CHN2: variants seen among roughly 807,000 people sequenced by gnomAD.
CHN2 encodes the protein chimerin 2.
A neutral mutation model predicts 56.3 loss-of-function variants in CHN2; 35 were observed. The ratio of observed to expected loss-of-function variants is 0.62; its 90% CI spans 0.47 to 0.82. The LOEUF (loss-of-function observed/expected upper bound fraction) is 0.82. Among genes scored for constraint, CHN2 ranks in the 40% least tolerant of loss-of-function variants. CHN2 has a pLI of 0.00. For synonymous variants in CHN2, 210 were observed against 212.8 expected (o/e 0.99, Z 0.12); for missense variants, 491 against 580.5 (o/e 0.85, Z 1.58).
intron 1 of CHN2, among the ~76,000 whole-genome samples, chr7:29,235,189 AAAAC>A (rs1787095341): frequency 6.6e-6 from 1 of 152,220 alleles, no homozygotes; most frequent in Non-Finnish European, 1.5e-5. Context: ...ACAAGCAAAA[AAAAC>A]AAACAACCCC....
At chr7:29,211,219 T>G (rs377217623) in intron 1 of CHN2, among the ~76,000 whole-genome samples, 13 of 151,362 alleles carry the variant, frequency 8.6e-5, no homozygotes, top group Admixed American at 7.9e-4. Flanking sequence ...TAAAGGCGCC[T>G]GCCACCATGC....
chr7:29,210,329 G>A (rs1487160927), intron 1 of CHN2, among the ~76,000 whole-genome samples: 1 of 152,054 alleles, frequency 6.6e-6, no homozygotes, highest in Non-Finnish European at 1.5e-5. Context: ...AAGCCCAGAG[G>A]TAGTCCAAGT....
At chr7:29,357,521 A>G (rs1304149198) in intron 2 of CHN2, among the ~76,000 whole-genome samples, 1 of 152,258 alleles carries the variant, frequency 6.6e-6, no homozygotes, top group African/African-American at 2.4e-5. Flanking sequence ...TACATTCTAA[A>G]TGTCAGAGAA....
intron 2 of CHN2, among the ~76,000 whole-genome samples, chr7:29,179,966 A>G (rs1797856398): frequency 6.6e-6 from 1 of 152,164 alleles, no homozygotes; most frequent in African/African-American, 2.4e-5. Context: ...ATCTTTTGCT[A>G]TTTGTCTTGT....
At chr7:29,175,985 G>A (rs151036767) in intron 2 of CHN2, among the ~76,000 whole-genome samples, 3,164 of 152,228 alleles carry the variant, frequency 0.021, 47 homozygotes, top group Non-Finnish European at 0.029. Context: ...AGGAGATCAA[G>A]ACCATCCTGA....
At chr7:29,266,646 A>G (rs1037892288) in intron 1 of CHN2, among the ~76,000 whole-genome samples, 2 of 152,162 alleles carry the variant, frequency 1.3e-5, no homozygotes, top group Non-Finnish European at 2.9e-5. Context: ...GGGAACTGAG[A>G]TTTGGAAAGG....
intron 1 of CHN2, among the ~76,000 whole-genome samples, chr7:29,302,383 C>T (rs1793757064): frequency 6.6e-6 from 1 of 151,814 alleles, no homozygotes; most frequent in Non-Finnish European, 1.5e-5. Context: ...GCCTGGAGTG[C>T]AGTGATTTCA....
At chr7:29,419,762 A>C (rs1259338075) in intron 6 of CHN2, among the ~76,000 whole-genome samples, 1 of 152,234 alleles carries the variant, frequency 6.6e-6, no homozygotes, top group African/African-American at 2.4e-5. Context: ...ATCATTAAGG[A>C]AATGCAAATG....
At chr7:29,354,283 G>A (rs1798116088) in intron 1 of CHN2, among the ~76,000 whole-genome samples, 1 of 152,180 alleles carries the variant, frequency 6.6e-6, no homozygotes, top group Non-Finnish European at 1.5e-5. Context: ...TGAATTATAT[G>A]TTTACTATGC....
intron 1 of CHN2, among the ~76,000 whole-genome samples, chr7:29,209,587 T>C (rs1784768963): frequency 6.6e-6 from 1 of 152,054 alleles, no homozygotes; most frequent in Non-Finnish European, 1.5e-5. Context: ...AGTAGGACAG[T>C]GAGGGTTGAA....
At chr7:29,483,410 T>C (rs1485160507) in intron 7 of CHN2, among the ~76,000 whole-genome samples, 1 of 152,164 alleles carries the variant, frequency 6.6e-6, no homozygotes, top group Admixed American at 6.5e-5. Flanking sequence ...AACAAAAGCT[T>C]TGGGAACCAA....
At chr7:29,506,444 C>T (rs940916484) in intron 10 of CHN2, among the ~76,000 whole-genome samples, 1 of 152,012 alleles carries the variant, frequency 6.6e-6, no homozygotes, top group Non-Finnish European at 1.5e-5. Flanking sequence ...CGAGACCAGC[C>T]TGGCCAACAT....
intron 3 of CHN2, among the ~76,000 whole-genome samples, chr7:29,381,958 CAAT>C (rs1193786132): frequency 6.6e-6 from 1 of 151,890 alleles, no homozygotes; most frequent in East Asian, 1.9e-4. Flanking sequence ...AGACCTTGGG[CAAT>C]AAGAGGTGAT....
chr7:29,345,017 A>G (rs1375824802), intron 1 of CHN2, among the ~76,000 whole-genome samples: 3 of 152,174 alleles, frequency 2.0e-5, no homozygotes, highest in Non-Finnish European at 2.9e-5. Context: ...TACAGCAGTC[A>G]TGGCCACTTC....
chr7:29,333,969 C>T (rs1482474266), intron 1 of CHN2, among the ~76,000 whole-genome samples: 3 of 151,248 alleles, frequency 2.0e-5, no homozygotes, highest in Admixed American at 6.6e-5. Flanking sequence ...TGGCTTTTGA[C>T]AATCAATGGA....
intron 1 of CHN2, among the ~76,000 whole-genome samples, chr7:29,263,908 C>T (rs1205029759): frequency 6.6e-6 from 1 of 151,222 alleles, no homozygotes; most frequent in East Asian, 2.0e-4. Context: ...CTCCGCCCGG[C>T]AGCCTCCCTG....
intron 1 of CHN2, among the ~76,000 whole-genome samples, chr7:29,351,555 C>A (rs916832291): frequency 2.6e-5 from 4 of 152,298 alleles, no homozygotes; most frequent in Admixed American, 2.6e-4. Flanking sequence ...TTTACAGGAA[C>A]CTGGCAGGTA....
intron 1 of CHN2, among the ~76,000 whole-genome samples, chr7:29,230,639 C>T (rs1248654098): frequency 6.6e-6 from 1 of 152,178 alleles, no homozygotes; most frequent in East Asian, 1.9e-4. Flanking sequence ...CCATGCCAGG[C>T]CTCCTCTTTC....
intron 2 of CHN2, chr7:29,147,015 C>CTGGA: frequency 1.3e-6 from 2 of 1,548,986 alleles, no homozygotes; most frequent in Non-Finnish European, 1.7e-6. Context: ...AATCACTGCG[C>CTGGA]TGGAGTCTCA....
Sources: allele counts gnomAD v4.1 joint callset (sites outside exome capture counted in the v4.1 genomes callset), GRCh38; gene constraint gnomAD v4.1.1; transcripts MANE v1.5; gene names NCBI Gene and HGNC (gene_info 2026-07-23, HGNC 2026-07-21).